NLRP1: variants seen among roughly 807,000 people sequenced by gnomAD.
NLRP1 encodes the protein NACHT, LRR and PYD domains-containing protein 1.
A neutral mutation model predicts 136.7 loss-of-function variants in NLRP1; 94 were observed. That is an observed-to-expected ratio of 0.69 (90% confidence interval 0.58 to 0.82). NLRP1 has a LOEUF of 0.82. Ranked by LOEUF, NLRP1 falls within the 40% of genes least tolerant of loss-of-function variation. The pLI, the probability that NLRP1 is intolerant of heterozygous loss-of-function variation, is 0.00. For synonymous variants in NLRP1, 690 were observed against 725.1 expected (o/e 0.95, Z 0.78); for missense variants, 1,575 against 1,802.7 (o/e 0.87, Z 2.29).
exon 16 of NLRP1, chr17:5,501,623 T>C: frequency 1.8e-6 from 1 of 547,336 alleles, no homozygotes; most frequent in African/African-American, 1.9e-5. Flanking sequence ...ACCTGTTTTC[T>C]CTTCTTGCTC....
intron 3 of NLRP1, among the ~76,000 whole-genome samples, chr17:5,561,110 G>T (rs1323015278): frequency 6.6e-6 from 1 of 152,214 alleles, no homozygotes. Context: ...AGGCTGGAGT[G>T]CAGTGGCACG....
chr17:5,535,555 G>T (rs989536945), intron 8 of NLRP1, among the ~76,000 whole-genome samples: 2 of 152,182 alleles, frequency 1.3e-5, no homozygotes, highest in Non-Finnish European at 2.9e-5. Flanking sequence ...GACCCCAGGT[G>T]CATTTGCGCA....
Position 5,521,612 on chromosome 17 carries a change from G to A in NLRP1, c.3695C>T (p.Thr1232Ile). ...GCGGTGGTAAAGCAACACCACAGAG[G>A]TGACGGGAATGAAGCGCAGGGCATT... Reference protein sequence around the residue: ...IHNALRFIPVTSVVLLYHRVH... With the variant: ...IHNALRFIPVISVVLLYHRVH... Residue 1232 changes from threonine (T) to isoleucine (I), a missense_variant, in exon 13 of 17, where the codon ACC (threonine) becomes ATC (isoleucine). By Grantham distance (89) the Thr-to-Ile change is moderately conservative. Coordinates refer to ENST00000572272, the MANE Select transcript of NLRP1 (RefSeq NM_033004.4). The A allele has an allele frequency of 1.2e-6, 2 of 1,614,154 alleles. No individual in the cohort carries two copies. The highest frequency in any genetic ancestry group is 1.7e-6 in the Non-Finnish European group (2 of 1,180,020).
chr17:5,563,096 A>T (rs1172956941), intron 3 of NLRP1, among the ~76,000 whole-genome samples: 1 of 152,186 alleles, frequency 6.6e-6, no homozygotes, highest in Non-Finnish European at 1.5e-5. Flanking sequence ...TTCAAACAAG[A>T]TAAAAACAAA....
intron 12 of NLRP1, 108 bp from the exon 13 acceptor site, chr17:5,521,894 G>A (rs1253015398): frequency 3.6e-6 from 4 of 1,120,376 alleles, no homozygotes; most frequent in African/African-American, 1.6e-5. Flanking sequence ...GTACAATCTC[G>A]GCTCACTGCA....
intron 4 of NLRP1, 92 bp from the exon 5 acceptor site, chr17:5,553,648 C>T (rs11656502): frequency 0.05 from 58,962 of 1,186,430 alleles, 1,763 homozygotes; most frequent in African/African-American, 0.11. Context: ...GGCTTTGTCC[C>T]CCTGAGCACC....
chr17:5,511,791 T>C (rs1372575903), downstream of NLRP1, among the ~76,000 whole-genome samples: 1 of 148,446 alleles, frequency 6.7e-6, no homozygotes, highest in Non-Finnish European at 1.5e-5. Context: ...TTTCTTTCTC[T>C]TTCCTTTCTC....
chr17:5,532,782 C>A, intron 11 of NLRP1, 40 bp downstream of exon 11: 1 of 1,538,070 alleles, frequency 6.5e-7, no homozygotes, highest in Non-Finnish European at 8.7e-7. Context: ...CAGTGGGGTG[C>A]GGGAGGCCAG....
At chr17:5,569,137 G>A (rs1252745273) in intron 3 of NLRP1, among the ~76,000 whole-genome samples, 1 of 152,058 alleles carries the variant, frequency 6.6e-6, no homozygotes, top group Non-Finnish European at 1.5e-5. Flanking sequence ...GCTAAATATG[G>A]AAACAAAAGA....
chr17:5,502,908 G>C (rs960041419), intron 15 of NLRP1: 1 of 152,316 alleles, frequency 6.6e-6, no homozygotes, highest in African/African-American at 2.4e-5. Flanking sequence ...GAGTGTCAAG[G>C]GTGGAATATA....
chr17:5,508,307 A>G (rs1217670409), intron 15 of NLRP1, among the ~76,000 whole-genome samples: 1 of 152,196 alleles, frequency 6.6e-6, no homozygotes, highest in African/African-American at 2.4e-5. Flanking sequence ...CAAAAGAAAA[A>G]TAAAAATTAA....
Position 5,584,164 on chromosome 17 carries a change from G to A in NLRP1, c.-207C>T, listed in dbSNP as rs199671661. 3.3e-6 allele frequency: 2 copies of A among 602,642 alleles called. No individual in the cohort carries two copies. The highest frequency in any genetic ancestry group is 5.8e-6 in the Non-Finnish European group (2 of 342,338). The allele number at this position is 602,642 out of a possible 1,614,324, so 37.3% of individuals were successfully genotyped here. A position where few individuals can be genotyped will look rare whatever the true frequency, so the allele number is the denominator to read the frequency against. On this transcript the variant is annotated 5_prime_UTR_variant, in exon 1 of 17. Transcript: ENST00000572272. Reference sequence around the variant, plus strand: ...AAAAGCCAGGGGAGGGAGGAGCCCAGAGGGGCCTGCAAGACACTGGAAGAA... The same window carrying A: ...AAAAGCCAGGGGAGGGAGGAGCCCAAAGGGGCCTGCAAGACACTGGAAGAA...
At chr17:5,545,343 C>G (rs1912450174) in intron 5 of NLRP1, among the ~76,000 whole-genome samples, 1 of 142,520 alleles carries the variant, frequency 7.0e-6, no homozygotes. Flanking sequence ...CACAGACACA[C>G]ACACACACAC....
In NLRP1 at chr17:5,514,952, C is replaced by T. The variant is rs1289056997; in HGVS notation, c.4224G>A (p.Leu1408=). 14 of 1,614,226 alleles carry T rather than the reference C, an allele frequency of 8.7e-6. No homozygotes were observed. Among genetic ancestry groups the T allele is most frequent in the Non-Finnish European group, 1.1e-5 (13 of 1,180,026 alleles). ...VVLDKLHGQV[L]SQEQYERVLA... ...GCACCCTCTCGTACTGCTCCTGGCT[C>T]AGCACCTGTCCATGCAGTTTGTCCA... The change falls in exon 17 of 17, where the codon CTG becomes CTA. Residue 1408 remains leucine, a synonymous_variant. Coordinates refer to ENST00000572272, the MANE Select transcript of NLRP1 (RefSeq NM_033004.4).
At chr17:5,515,577 G>A (rs2151733497) in intron 15 of NLRP1, 60 bp from the exon 16 acceptor site, 2 of 1,293,962 alleles carry the variant, frequency 1.5e-6, no homozygotes, top group Non-Finnish European at 2.2e-6. Flanking sequence ...AACACACATG[G>A]TACACCTCCA....
At position 5,583,591 on chromosome 17, in the gene NLRP1, T is replaced by G. The variant is rs1905951026; in HGVS notation, c.271+96A>C. ...CCATGTCACTGCTCAGAGGAAGGCC[T>G]GGCAGGGAGGGCTCAGTGGTGGGGT... On this transcript the variant is annotated intron_variant, in intron 1 of 16. Coordinates refer to ENST00000572272, the MANE Select transcript of NLRP1 (RefSeq NM_033004.4). The surrounding 1 kb of genome is among the most constrained non-coding windows in gnomAD (Gnocchi z 4.5). 1 of 1,281,502 alleles carries G rather than the reference T, an allele frequency of 7.8e-7. No individual in the cohort carries two copies. Among genetic ancestry groups the G allele is most frequent in the East Asian group, 2.5e-5 (1 of 39,372 alleles). The allele number at this position is 1,281,502 out of a possible 1,614,324, so 79.4% of individuals were successfully genotyped here.
At chr17:5,512,803 A>C (rs1444314166), downstream of NLRP1, among the ~76,000 whole-genome samples, 1 of 152,202 alleles carries the variant, frequency 6.6e-6, no homozygotes, top group Non-Finnish European at 1.5e-5. Flanking sequence ...GAGGGTGAAA[A>C]TTAGCATATA....
intron 12 of NLRP1, among the ~76,000 whole-genome samples, chr17:5,528,850 GA>G (rs1256025115): frequency 6.6e-6 from 1 of 151,940 alleles, no homozygotes; most frequent in East Asian, 1.9e-4. Context: ...ATTAAGACAA[GA>G]AAAAATATTA....
intron 3 of NLRP1, among the ~76,000 whole-genome samples, chr17:5,566,699 AG>A (rs1479557979): frequency 1.3e-5 from 2 of 152,140 alleles, no homozygotes; most frequent in African/African-American, 2.4e-5. Flanking sequence ...ATGCAGATTA[AG>A]TTTCATGTTT....
Sources: gnomAD v4.1 joint callset for allele counts (sites outside exome capture counted in the v4.1 genomes callset) on GRCh38, gnomAD v4.1.1 for gene constraint, Gnocchi (gnomAD v3.1) non-coding constraint, MANE v1.5 for transcripts, NCBI Gene and HGNC (gene_info 2026-07-23, HGNC 2026-07-21) for gene names.